Variants in MAMDC2 observed in about 807,000 individuals in gnomAD.
MAMDC2 encodes MAM domain containing 2, also known as MAM domain-containing protein 2.
MAMDC2 carries 57 observed loss-of-function variants against 89.8 expected under a neutral mutation model. That is an observed-to-expected ratio of 0.63 (90% CI 0.51 to 0.79). MAMDC2 has a LOEUF of 0.79. Among genes scored for constraint, MAMDC2 ranks in the 30% least tolerant of loss-of-function variants. The probability of loss-of-function intolerance (pLI) is 0.00; values close to 1 mark genes in which losing one functional copy is unlikely to be tolerated. For missense variants in MAMDC2, 800 were observed against 820.6 expected (o/e 0.97, Z 0.31); for synonymous variants, 313 against 293.4 (o/e 1.07, Z -0.68).
rs1650754517 is a variant in MAMDC2, at chr9:70,108,353, C to T, written c.291C>T (p.Pro97=). The T allele has an allele frequency of 3.7e-6, 6 of 1,614,130 alleles. No homozygotes were observed. The highest frequency in any genetic ancestry group is 5.1e-6 in the Non-Finnish European group (6 of 1,179,978). Residue 97 remains proline (P), a synonymous_variant, in exon 3 of 14, where the codon CCC becomes CCT. Coordinates refer to ENST00000377182, the MANE Select transcript of MAMDC2 (RefSeq NM_153267.5). ...CATCTTCGGAGTCTCTGTCAGATCC[C>T]AGCCAGCTGAACCTCTACATGAGAT... The part of the protein sequence containing the change: ...ITTSSESLSD[P]SQLNLYMRFE...
chr9:70,058,496 G>GT (rs1237413347), intron 2 of MAMDC2, among the ~76,000 whole-genome samples: 2 of 152,224 alleles, frequency 1.3e-5, no homozygotes, highest in African/African-American at 2.4e-5. Flanking sequence ...TGTTCTCCGT[G>GT]TTTTTTATTA....
intron 7 of MAMDC2, among the ~76,000 whole-genome samples, chr9:70,133,509 C>T (rs2030885961): frequency 6.6e-6 from 1 of 152,152 alleles, no homozygotes; most frequent in South Asian, 2.1e-4. Flanking sequence ...TTCGGTTAAC[C>T]AAGTCTCCAT....
At chr9:70,064,221 G>C (rs987445064) in intron 2 of MAMDC2, among the ~76,000 whole-genome samples, 1 of 151,992 alleles carries the variant, frequency 6.6e-6, no homozygotes, top group Non-Finnish European at 1.5e-5. Context: ...TTGGTTACAT[G>C]AGTAGGTTCT....
At chr9:70,074,846 G>T (rs1335260565) in intron 2 of MAMDC2, among the ~76,000 whole-genome samples, 2 of 152,158 alleles carry the variant, frequency 1.3e-5, no homozygotes, top group African/African-American at 4.8e-5. Context: ...TCAGCAAAGA[G>T]CCCTGCATTT....
At chr9:70,062,205 G>A (rs952128606) in intron 2 of MAMDC2, among the ~76,000 whole-genome samples, 7 of 151,992 alleles carry the variant, frequency 4.6e-5, no homozygotes, top group African/African-American at 9.7e-5. Flanking sequence ...AAAAATCAGA[G>A]TAGTTGTTTT....
At chr9:70,057,965 A>G (rs1206410778) in intron 2 of MAMDC2, among the ~76,000 whole-genome samples, 1 of 152,196 alleles carries the variant, frequency 6.6e-6, no homozygotes, top group Non-Finnish European at 1.5e-5. Flanking sequence ...TCAGTATTTG[A>G]AAGTAGATAC....
At chr9:70,221,408 G>GAGAGAGAGAGAGAGAGAGAGAGAGAGA (rs2033563067) in intron 12 of MAMDC2, among the ~76,000 whole-genome samples, 1 of 110,924 alleles carries the variant, frequency 9.0e-6, no homozygotes. Context: ...GAGAGAGAGA[G>GAGAGAGAGAGAGAGAGAGAGAGAGAGA]TAACATCAGA....
At chr9:70,164,730 G>C (rs2182741) in intron 9 of MAMDC2, among the ~76,000 whole-genome samples, 129,995 of 151,718 alleles carry the variant, frequency 0.86, 55,928 homozygotes, top group East Asian at 0.96. Flanking sequence ...CTCACTGCAG[G>C]CTCCAACTCC....
At chr9:70,187,176 CT>C (rs1386685765) in intron 11 of MAMDC2, among the ~76,000 whole-genome samples, 1 of 152,062 alleles carries the variant, frequency 6.6e-6, no homozygotes, top group East Asian at 1.9e-4. Flanking sequence ...AATATTGCCC[CT>C]GCCTAACTGT....
intron 2 of MAMDC2, chr9:70,060,639 T>C (rs1006562275): frequency 2.0e-5 from 3 of 152,076 alleles, no homozygotes; most frequent in Admixed American, 2.0e-4. Context: ...ATATATAACA[T>C]GCAGATACTA....
chr9:70,184,126 T>C (rs886291516), intron 11 of MAMDC2, among the ~76,000 whole-genome samples: 2 of 152,222 alleles, frequency 1.3e-5, no homozygotes, highest in African/African-American at 4.8e-5. Context: ...ATTTTAATTC[T>C]CCTTCACTTA....
chr9:70,118,252 C>A (rs1345892092), intron 5 of MAMDC2, among the ~76,000 whole-genome samples: 3 of 150,196 alleles, frequency 2.0e-5, no homozygotes, highest in East Asian at 2.0e-4. Flanking sequence ...TCTCTTCAAC[C>A]TTTGGACTAA....
At chr9:70,187,346 T>C (rs2032780097) in intron 11 of MAMDC2, among the ~76,000 whole-genome samples, 1 of 152,144 alleles carries the variant, frequency 6.6e-6, no homozygotes, top group South Asian at 2.1e-4. Context: ...TTTTTTTGAA[T>C]CTTAGCGATG....
intron 11 of MAMDC2, among the ~76,000 whole-genome samples, chr9:70,218,034 GA>G (rs1406972253): frequency 6.6e-6 from 1 of 152,134 alleles, no homozygotes; most frequent in Non-Finnish European, 1.5e-5. Context: ...TATTGTCCAT[GA>G]ATAAGTAATA....
At chr9:70,217,345 T>G (rs752433876) in intron 11 of MAMDC2, 5 of 1,385,086 alleles carry the variant, frequency 3.6e-6, no homozygotes, top group Non-Finnish European at 5.1e-6. Flanking sequence ...GCAGATAAAC[T>G]GGACTGTCCT....
intron 9 of MAMDC2, among the ~76,000 whole-genome samples, chr9:70,156,758 T>C (rs1484657278): frequency 6.6e-6 from 1 of 152,214 alleles, no homozygotes; most frequent in Non-Finnish European, 1.5e-5. Flanking sequence ...CTCAGCATCA[T>C]TTGTGAGTTC....
chr9:70,121,881 G>A (rs1371732224), intron 5 of MAMDC2, among the ~76,000 whole-genome samples: 1 of 152,072 alleles, frequency 6.6e-6, no homozygotes, highest in Non-Finnish European at 1.5e-5. Flanking sequence ...TTAGAAAGGA[G>A]AATACAATGG....
chr9:70,201,647 C>A (rs1443132447), intron 11 of MAMDC2, among the ~76,000 whole-genome samples: 1 of 78,176 alleles, frequency 1.3e-5, no homozygotes, highest in Non-Finnish European at 2.3e-5. Flanking sequence ...CCTCCTTGTA[C>A]CTCTGGTAGA....
chr9:70,108,347 A>G lies in MAMDC2; in HGVS notation c.285A>G (p.Ser95=). The stretch of plus-strand genomic sequence containing the variant: ...TAACCACATCTTCGGAGTCTCTGTC[A>G]GATCCCAGCCAGCTGAACCTCTACA... The part of the protein sequence containing the change: ...YQITTSSESL[S]DPSQLNLYMR... The change falls in exon 3 of 14, where the codon TCA becomes TCG. Residue 95 remains serine (S), a synonymous_variant. Coordinates refer to ENST00000377182, the MANE Select transcript of MAMDC2 (RefSeq NM_153267.5). 6.2e-7 allele frequency: 1 copy of G among 1,614,138 alleles called. No individual in the cohort carries two copies. Among genetic ancestry groups the G allele is most frequent in the Non-Finnish European group, 8.5e-7 (1 of 1,179,990 alleles).
Sources: gnomAD v4.1 joint callset for allele counts (sites outside exome capture counted in the v4.1 genomes callset) on GRCh38, gnomAD v4.1.1 for gene constraint, MANE v1.5 for transcripts, NCBI Gene and HGNC (gene_info 2026-07-23, HGNC 2026-07-21) for gene names.